Variants in P2RX5 observed in about 807,000 individuals in gnomAD.
The protein encoded by P2RX5 is P2X purinoceptor 5.
A neutral mutation model predicts 54.1 loss-of-function variants in P2RX5; 46 were observed. That is an observed-to-expected ratio of 0.85 (90% CI 0.67 to 1.09). The LOEUF is 1.09. Ranked by LOEUF, P2RX5 falls within the 50% of genes least tolerant of loss-of-function variation. P2RX5 has a pLI of 0.00. For missense variants in P2RX5, 566 were observed against 549.8 expected, an observed-to-expected ratio of 1.03 and a Z score of -0.29; for synonymous variants, 226 against 226.4, an observed-to-expected ratio of 1.00 and a Z score of 0.02.
chr17:3,699,913 GGAAGGAAAGAAAGAAA>G (rs1567744376), upstream of P2RX5, among the ~76,000 whole-genome samples: 9 of 42,878 alleles, frequency 2.1e-4, no homozygotes, highest in African/African-American at 5.1e-4. Context: ...AAGGAAGGAA[GGAAGGAAAGAAAGAAA>G]GAAAGAAAGA....
chr17:3,698,584 C>CT (rs1019131908), upstream of P2RX5, among the ~76,000 whole-genome samples: 1 of 152,168 alleles, frequency 6.6e-6, no homozygotes, highest in Non-Finnish European at 1.5e-5. Context: ...CCTTTGTGTG[C>CT]TACTGGAGAG....
intron 1 of P2RX5, among the ~76,000 whole-genome samples, chr17:3,695,248 C>T (rs2143002148): frequency 6.6e-6 from 1 of 152,296 alleles, no homozygotes; most frequent in South Asian, 2.1e-4. Flanking sequence ...CTTTGTGGCG[C>T]CAGCTCCTGC....
the P2RX5 span, among the ~76,000 whole-genome samples, chr17:3,708,983 G>C: frequency 6.6e-6 from 1 of 151,898 alleles, no homozygotes; most frequent in African/African-American, 2.4e-5. Context: ...ACAGAGTCTT[G>C]CTCTGTCACC....
At chr17:3,685,059 T>C (rs2050401422) in intron 9 of P2RX5, among the ~76,000 whole-genome samples, 1 of 152,160 alleles carries the variant, frequency 6.6e-6, no homozygotes, top group Non-Finnish European at 1.5e-5. Flanking sequence ...TTGGTCAGGC[T>C]GGTCTCGAAC....
At chr17:3,720,516 T>C in the P2RX5 span, 4 of 631,920 alleles carry the variant, frequency 6.3e-6, no homozygotes, top group African/African-American at 3.7e-5. Context: ...GCTTAGTTAA[T>C]GGCCCTAACG....
At chr17:3,695,265 G>C (rs546260732) in intron 1 of P2RX5, among the ~76,000 whole-genome samples, 1 of 152,300 alleles carries the variant, frequency 6.6e-6, no homozygotes, top group Non-Finnish European at 1.5e-5. Flanking sequence ...CTGCCAGGTG[G>C]CATGAGGATG....
intron 1 of P2RX5, among the ~76,000 whole-genome samples, chr17:3,693,913 C>CTCAT (rs1567740468): frequency 1.3e-5 from 2 of 151,346 alleles, no homozygotes; most frequent in Non-Finnish European, 2.9e-5. Flanking sequence ...TACATGCGCT[C>CTCAT]GCCACCACAC....
chr17:3,689,427 G>C (rs115206895), intron 7 of P2RX5, 65 bp downstream of exon 7: 2 of 1,594,914 alleles, frequency 1.3e-6, no homozygotes, highest in African/African-American at 2.7e-5. Flanking sequence ...CACCCTCCTC[G>C]TCACAGAGCC....
At chr17:3,722,087 G>A in the P2RX5 span, among the ~76,000 whole-genome samples, 129 of 152,190 alleles carry the variant, frequency 8.5e-4, no homozygotes, top group Non-Finnish European at 1.6e-3. Context: ...GCTGAGGCAG[G>A]AGAATCGCTT....
At chr17:3,679,918 C>A in intron 10 of P2RX5, 134 bp from the exon 11 acceptor site, 1 of 760,498 alleles carries the variant, frequency 1.3e-6, no homozygotes, top group Non-Finnish European at 2.3e-6. Context: ...TGTCCTCCAC[C>A]CTGCTTCCTC....
Position 3,690,681 on chromosome 17 carries a change from C to A in P2RX5, c.361-1G>T. The A allele has an allele frequency of 6.2e-7, 1 of 1,613,150 alleles. No individual in the cohort carries two copies. The highest frequency in any genetic ancestry group is 8.5e-7 in the Non-Finnish European group (1 of 1,180,028). On this transcript the variant is annotated splice_acceptor_variant, in intron 3 of 11. Transcript: ENST00000225328. LOFTEE classifies it high-confidence loss of function. ...ACGCGCCATCAGGAATGCCTTCATT[C>A]TGCCAGGAGAGAAGGGGCACCTGGA...
chr17:3,707,716 A>G, the P2RX5 span, among the ~76,000 whole-genome samples: 1 of 151,860 alleles, frequency 6.6e-6, no homozygotes, highest in Non-Finnish European at 1.5e-5. Flanking sequence ...CCCCCTGACT[A>G]CTGTGCCCCC....
intron 5 of P2RX5, 43 bp downstream of exon 5, chr17:3,690,364 AGGCTGGGACCCACCGCACGG>A: frequency 1.5e-6 from 2 of 1,350,586 alleles, no homozygotes. Flanking sequence ...CTCCACCCTC[AGGCTGGGACCCACCGCACGG>A]GGCTGGGAAA....
At chr17:3,722,154 C>T in the P2RX5 span, among the ~76,000 whole-genome samples, 18,673 of 145,280 alleles carry the variant, frequency 0.13, 3,852 homozygotes, top group African/African-American at 0.44. Context: ...ACAACAAGAG[C>T]GAAACTCCGT....
intron 9 of P2RX5, chr17:3,685,624 GCGGGGCCCCCAGGGACC>G: frequency 6.0e-6 from 1 of 166,774 alleles, no homozygotes; most frequent in Admixed American, 6.5e-5. Context: ...AGGTTGGACA[GCGGGGCCCCCAGGGACC>G]CTCCCAGCGT....
At chr17:3,678,989 C>T (rs570697323) in intron 11 of P2RX5, among the ~76,000 whole-genome samples, 1 of 152,186 alleles carries the variant, frequency 6.6e-6, no homozygotes, top group African/African-American at 2.4e-5. Context: ...GCCCAAGGAC[C>T]CCCCTGGCAG....
intron 10 of P2RX5, among the ~76,000 whole-genome samples, chr17:3,680,525 G>A (rs222768): frequency 0.1 from 6,289 of 61,890 alleles, 395 homozygotes; most frequent in East Asian, 0.2. Context: ...TCCACCCTGC[G>A]TCCTCCACCC....
Position 3,690,976 on chromosome 17 carries a change from G to C in P2RX5, c.340C>G (p.Arg114Gly), listed in dbSNP as rs746415770. The C allele has an allele frequency of 6.4e-7, 1 of 1,554,996 alleles. No homozygotes were observed. The highest frequency in any genetic ancestry group is 8.7e-7 in the Non-Finnish European group (1 of 1,146,518). ...CAAACCTCAGCACAGACGTTCTGCCGCTGGTTGGGGGTCACAATCAGGTTG... is the reference window on the plus strand; with the variant it reads ...CAAACCTCAGCACAGACGTTCTGCCCCTGGTTGGGGGTCACAATCAGGTTG... ...VTNLIVTPNQ[R>G]QNVCAENEGI... The change falls in exon 3 of 12, where the codon CGG becomes GGG. Residue 114 changes from arginine to glycine, a missense_variant. Physicochemically the swap from Arg to Gly is moderately radical, Grantham distance 125. Coordinates refer to ENST00000225328, the MANE Select transcript of P2RX5 (RefSeq NM_002561.4).
Position 3,688,521 on chromosome 17 carries a change from C to A in P2RX5, c.887+105G>T, listed in dbSNP as rs1049875384. The stretch of plus-strand genomic sequence containing the variant: ...GGGCCATCTGTCCCTGCACCTCCCG[C>A]TCTGACACCCACCCCCAGGAAGGGG... On this transcript the variant is annotated intron_variant, in intron 8 of 11. Coordinates refer to ENST00000225328, the MANE Select transcript of P2RX5 (RefSeq NM_002561.4). 1.2e-5 allele frequency: 16 copies of A among 1,284,200 alleles called. No homozygotes were observed. The African/African-American group carries it at 2.2e-4, about 18-fold the overall frequency. 79.6% of individuals were successfully genotyped at this position (1,284,200 alleles called of 1,614,324 possible).
Sources: allele counts gnomAD v4.1 joint callset (sites outside exome capture counted in the v4.1 genomes callset), GRCh38; gene constraint gnomAD v4.1.1; transcripts MANE v1.5; gene names NCBI Gene and HGNC (gene_info 2026-07-23, HGNC 2026-07-21).